The following RNLS variants were observed in gnomAD, a reference collection of about 807,000 sequenced individuals.
The protein encoded by RNLS is renalase.
Under a neutral mutation model 39.8 loss-of-function variants are expected in RNLS, and 39 were observed. The ratio of observed to expected loss-of-function variants is 0.98; its 90% CI spans 0.76 to 1.28. The LOEUF (loss-of-function observed/expected upper bound fraction) is 1.28, where lower values mean the gene tolerates loss of function less well. Ranked by LOEUF, RNLS falls within the 50% of genes most tolerant of loss-of-function variation. The pLI is 0.00. For missense variants in RNLS, 410 were observed against 413.3 expected (o/e 0.99, Z 0.07); for synonymous variants, 147 against 150.7 (o/e 0.98, Z 0.18).
At chr10:88,282,508 C>T (rs1439924527), downstream of RNLS, among the ~76,000 whole-genome samples, 2 of 151,334 alleles carry the variant, frequency 1.3e-5, no homozygotes, top group Non-Finnish European at 2.9e-5. Flanking sequence ...CACACACACA[C>T]ACACACACAC....
chr10:88,253,743 CTG>C, the RNLS span, among the ~76,000 whole-genome samples: 17 of 152,210 alleles, frequency 1.1e-4, no homozygotes, highest in African/African-American at 3.6e-4. Context: ...TATCCACACA[CTG>C]TGAAGAACGA....
chr10:88,477,051 T>C (rs1192302099), intron 4 of RNLS, among the ~76,000 whole-genome samples: 1 of 151,780 alleles, frequency 6.6e-6, no homozygotes, highest in African/African-American at 2.4e-5. Flanking sequence ...ATATTATAAA[T>C]GAAACTCAAA....
At chr10:88,329,056 G>A (rs776237633) in intron 5 of RNLS, among the ~76,000 whole-genome samples, 3 of 150,976 alleles carry the variant, frequency 2.0e-5, no homozygotes, top group Non-Finnish European at 3.0e-5. Flanking sequence ...TTTTGAGACT[G>A]TTAGGAAGTC....
chr10:88,493,759 G>A (rs1161015160), intron 4 of RNLS, among the ~76,000 whole-genome samples: 1 of 151,968 alleles, frequency 6.6e-6, no homozygotes, highest in African/African-American at 2.4e-5. Flanking sequence ...AGCTTAAGAG[G>A]CACAAATCTC....
In RNLS at chr10:88,572,970, C is replaced by T; in HGVS notation, c.459G>A (p.Gln153=). 1 of 1,614,054 alleles carries T rather than the reference C, an allele frequency of 6.2e-7. No homozygotes were observed. Among genetic ancestry groups the T allele is most frequent in the Non-Finnish European group, 8.5e-7 (1 of 1,179,940 alleles). ...EVSKQTGSPE[Q]FDLIVLTMPV... ...GCATTGTGAGAACAATAAGATCAAA[C>T]TGCTCAGGGGAGCCTGTTTGTTTGG... Residue 153 remains glutamine, a synonymous_variant, in exon 4 of 7, where the codon CAG becomes CAA. Coordinates refer to ENST00000331772, the MANE Select transcript of RNLS (RefSeq NM_001031709.3).
At chr10:88,206,695 T>C in the RNLS span, among the ~76,000 whole-genome samples, 1 of 152,158 alleles carries the variant, frequency 6.6e-6, no homozygotes, top group Non-Finnish European at 1.5e-5. Context: ...CTTGCTAAAG[T>C]GAATGTCATT....
At chr10:88,566,258 ATATTAT>A (rs1207291456) in intron 4 of RNLS, among the ~76,000 whole-genome samples, 3 of 151,830 alleles carry the variant, frequency 2.0e-5, no homozygotes, top group Non-Finnish European at 2.9e-5. Flanking sequence ...GTTAATAAAT[ATATTAT>A]TATATTAGTG....
At chr10:88,180,588 G>C in the RNLS span, among the ~76,000 whole-genome samples, 1 of 152,144 alleles carries the variant, frequency 6.6e-6, no homozygotes, top group Non-Finnish European at 1.5e-5. Context: ...GTACGTGTGC[G>C]TGTGTTGTAG....
intron 4 of RNLS, among the ~76,000 whole-genome samples, chr10:88,572,543 G>A (rs991412894): frequency 6.6e-6 from 1 of 152,108 alleles, no homozygotes; most frequent in Non-Finnish European, 1.5e-5. Flanking sequence ...CAGAGAACAA[G>A]AACATAGGAA....
At position 88,524,982 on chromosome 10, in the gene RNLS, TATATATATATATATATAC is replaced by T. The variant is rs1254169142; in HGVS notation, c.526+47903_526+47920del. Among the ~76,000 whole-genome samples, 735 of 134,668 alleles carry T rather than the reference TATATATATATATATATAC, an allele frequency of 5.5e-3. 16 individuals carry two copies. The highest frequency in any genetic ancestry group is 0.041 in the Middle Eastern group (11 of 268). The allele number at this position is 134,668 out of a possible 152,430, so 88.3% of individuals were successfully genotyped here. Reference sequence around the variant, plus strand: ...ATACATATATATATATATATATATATATATATATATATATATACACACACACACATACTATGTACCCAC... The same window carrying T: ...ATACATATATATATATATATATATATACACACACACATACTATGTACCCAC... On this transcript the variant is annotated intron_variant, in intron 4 of 6. Coordinates refer to ENST00000331772, the MANE Select transcript of RNLS (RefSeq NM_001031709.3).
intron 4 of RNLS, among the ~76,000 whole-genome samples, chr10:88,560,544 T>C (rs899274994): frequency 6.6e-6 from 1 of 152,116 alleles, no homozygotes; most frequent in Non-Finnish European, 1.5e-5. Flanking sequence ...GAGAGCTTTA[T>C]CTTCCAAACC....
chr10:88,230,234 C>T, the RNLS span, among the ~76,000 whole-genome samples: 1 of 151,766 alleles, frequency 6.6e-6, no homozygotes, highest in African/African-American at 2.4e-5. Context: ...CAAAAACAAG[C>T]AAACAAACAA....
At chr10:88,470,909 C>T (rs1292148649) in intron 4 of RNLS, among the ~76,000 whole-genome samples, 3 of 152,092 alleles carry the variant, frequency 2.0e-5, no homozygotes, top group South Asian at 2.1e-4. Context: ...CCACCACAGC[C>T]GGCCTGTAAT....
chr10:88,450,803 T>C (rs1358256141), intron 4 of RNLS, among the ~76,000 whole-genome samples: 1 of 152,240 alleles, frequency 6.6e-6, no homozygotes, highest in African/African-American at 2.4e-5. Flanking sequence ...TGTGCAAAGA[T>C]ATATTTAGTT....
intron 4 of RNLS, among the ~76,000 whole-genome samples, chr10:88,488,121 G>A (rs905082090): frequency 1.5e-4 from 23 of 152,180 alleles, no homozygotes; most frequent in African/African-American, 5.1e-4. Flanking sequence ...AGGAAATTTG[G>A]GGGAGTAGTG....
downstream of RNLS, among the ~76,000 whole-genome samples, chr10:88,283,036 A>G (rs1042547974): frequency 2.4e-4 from 36 of 152,288 alleles, no homozygotes; most frequent in African/African-American, 8.4e-4. Flanking sequence ...TGGGGCTAAC[A>G]TACATACACC....
chr10:88,414,395 G>A (rs943444976), intron 4 of RNLS, among the ~76,000 whole-genome samples: 3 of 152,102 alleles, frequency 2.0e-5, no homozygotes, highest in Admixed American at 2.0e-4. Flanking sequence ...CTTTACAACT[G>A]CTCACATGAT....
chr10:88,539,082 A>C (rs1347066466), intron 4 of RNLS, among the ~76,000 whole-genome samples: 1 of 152,164 alleles, frequency 6.6e-6, no homozygotes, highest in African/African-American at 2.4e-5. Flanking sequence ...TTTCTAAAAG[A>C]CTAAGGAAGA....
At chr10:88,372,087 A>T (rs1306569278) in intron 4 of RNLS, among the ~76,000 whole-genome samples, 1 of 152,146 alleles carries the variant, frequency 6.6e-6, no homozygotes, top group Non-Finnish European at 1.5e-5. Flanking sequence ...AAAATAAACA[A>T]GGCATTTTTT....
Sources: allele counts gnomAD v4.1 joint callset (sites outside exome capture counted in the v4.1 genomes callset), GRCh38; gene constraint gnomAD v4.1.1; transcripts MANE v1.5; gene names NCBI Gene and HGNC (gene_info 2026-07-23, HGNC 2026-07-21).